Variants in NUP50 observed in about 807,000 individuals in gnomAD.
NUP50 encodes nuclear pore complex protein Nup50.
A neutral mutation model predicts 36.8 loss-of-function variants in NUP50; 14 were observed. That is an observed-to-expected ratio of 0.38 (90% CI 0.25 to 0.59). NUP50 has a LOEUF of 0.59. Among genes scored for constraint, NUP50 ranks in the 20% least tolerant of loss-of-function variants. NUP50 has a pLI of 0.63. For synonymous variants in NUP50, 195 were observed against 210.8 expected (o/e 0.93, Z 0.65); for missense variants, 455 against 564.6 (o/e 0.81, Z 1.97).
rs1205752892 is a variant in NUP50, at chr22:45,181,469, C to T, written c.1085+102C>T. 23 of 620,780 alleles carry T rather than the reference C, an allele frequency of 3.7e-5. No individual in the cohort carries two copies. In the Admixed American group the frequency reaches 6.8e-4, roughly 18 times the overall value. 38.5% of individuals were successfully genotyped at this position (620,780 alleles called of 1,614,324 possible). On this transcript the variant is annotated intron_variant, in intron 6 of 7. Coordinates refer to ENST00000347635, the MANE Select transcript of NUP50 (RefSeq NM_007172.4). Reference sequence around the variant, plus strand: ...CGGCACTTGACTGAGCTTCCAGTCTCGGGGTCAAGCTTTGCCTGCTCTCAA... The same window carrying T: ...CGGCACTTGACTGAGCTTCCAGTCTTGGGGTCAAGCTTTGCCTGCTCTCAA...
In NUP50 at chr22:45,183,877, GAA is replaced by G. The variant is rs200393108; in HGVS notation, c.1204+360_1204+361del. The G allele has an allele frequency of 3.5e-3, 825 of 238,992 alleles. 10 individuals are homozygous for G. The highest frequency in any genetic ancestry group is 0.018 in the African/African-American group (766 of 43,696). 14.8% of individuals were successfully genotyped at this position (238,992 alleles called of 1,614,324 possible). A position where few individuals can be genotyped will look rare whatever the true frequency, so the allele number is the denominator to read the frequency against. ...TGCTGTCCATCCTCAGTTTTAACCTGAAAAGAGTCCACTGCAAGGATCCTAGT... is the reference window on the plus strand; with the variant it reads ...TGCTGTCCATCCTCAGTTTTAACCTGAAGAGTCCACTGCAAGGATCCTAGT... On this transcript the variant is annotated intron_variant, in intron 7 of 7. Coordinates refer to ENST00000347635, the MANE Select transcript of NUP50 (RefSeq NM_007172.4).
Position 45,184,872 on chromosome 22 carries a change from C to G in NUP50, c.*217C>G. 1.7e-6 allele frequency: 1 copy of G among 576,698 alleles called. No individual in the cohort carries two copies. Among genetic ancestry groups the G allele is most frequent in the Non-Finnish European group, 3.1e-6 (1 of 319,632 alleles). 35.7% of individuals were successfully genotyped at this position (576,698 alleles called of 1,614,324 possible). A position where few individuals can be genotyped will look rare whatever the true frequency, so the allele number is the denominator to read the frequency against. On this transcript the variant is annotated 3_prime_UTR_variant, in exon 8 of 8. Coordinates refer to ENST00000347635, the MANE Select transcript of NUP50 (RefSeq NM_007172.4). ...TAAGAACTGCCTAAAGTGTAAAATA[C>G]ATTTGAATGCAATTTTTGGAAGATT...
chr22:45,168,519 C>T (rs903692922), intron 2 of NUP50, among the ~76,000 whole-genome samples: 2 of 152,190 alleles, frequency 1.3e-5, no homozygotes, highest in South Asian at 2.1e-4. Flanking sequence ...AGTAGAAGCA[C>T]TTTTCCTCCT....
rs1016339798 is a variant in NUP50, at chr22:45,183,815, G to A, written c.1204+295G>A. The stretch of plus-strand genomic sequence containing the variant: ...ACCCAAGGGAAATTAACCTTTTAAA[G>A]GAATCCTTTTTATATAGCAAGTAAT... On this transcript the variant is annotated intron_variant, in intron 7 of 7. Transcript: ENST00000347635. The A allele has an allele frequency of 1.6e-5, 5 of 306,370 alleles. No individual in the cohort carries two copies. The East Asian group carries it at 3.5e-4, about 22-fold the overall frequency. 19.0% of individuals were successfully genotyped at this position (306,370 alleles called of 1,614,324 possible).
At chr22:45,177,325 T>C (rs1164438585) in intron 4 of NUP50, among the ~76,000 whole-genome samples, 1 of 152,086 alleles carries the variant, frequency 6.6e-6, no homozygotes, top group African/African-American at 2.4e-5. Flanking sequence ...GGATTATAGG[T>C]ACACACCACC....
In NUP50 at chr22:45,185,582, C is replaced by A. The variant is rs139118087; in HGVS notation, c.*927C>A. 6.6e-6 allele frequency: 1 copy of A among 152,172 alleles called. No individual in the cohort carries two copies. The highest frequency in any genetic ancestry group is 1.9e-4 in the East Asian group (1 of 5,180). The allele number at this position is 152,172 out of a possible 1,614,324, so 9.4% of individuals were successfully genotyped here. A position where few individuals can be genotyped will look rare whatever the true frequency, so the allele number is the denominator to read the frequency against. ...TGCCTGGGAGCTTTGACACACGAGC[C>A]GTGTGAATTCACTAGGAAACATGTA... On this transcript the variant is annotated 3_prime_UTR_variant, in exon 8 of 8. Transcript: ENST00000347635.
chr22:45,182,625 T>TTTG lies in NUP50; in HGVS notation c.1086-775_1086-774insGTT, dbSNP rs2074392498. On this transcript the variant is annotated intron_variant, in intron 6 of 7. Coordinates refer to ENST00000347635, the MANE Select transcript of NUP50 (RefSeq NM_007172.4). ...AAACTGAAAGAGCCTTGAGGTTTGT[T>TTTG]TTTTTTTTTTTTTTTTTGAGACGGA... Among the ~76,000 whole-genome samples, 5 of 87,722 alleles carry TTTG rather than the reference T, an allele frequency of 5.7e-5. No homozygotes were observed. In the South Asian group the frequency reaches 1.9e-3, roughly 33 times the overall value. 57.5% of individuals were successfully genotyped at this position (87,722 alleles called of 152,430 possible). A position where few individuals can be genotyped will look rare whatever the true frequency, so the allele number is the denominator to read the frequency against.
chr22:45,167,178 G>A (rs770084189), intron 1 of NUP50, among the ~76,000 whole-genome samples: 1 of 152,152 alleles, frequency 6.6e-6, no homozygotes, highest in African/African-American at 2.4e-5. Flanking sequence ...AGAGTATCAC[G>A]AAGGAGTTCA....
intron 3 of NUP50, 152 bp downstream of exon 3, chr22:45,171,835 A>C: frequency 9.6e-6 from 6 of 624,648 alleles, no homozygotes; most frequent in Non-Finnish European, 8.3e-6. Context: ...AAAAATAAGA[A>C]ACGTCAGGTC....
chr22:45,184,067 G>A (rs1339144333), intron 7 of NUP50: 3 of 238,210 alleles, frequency 1.3e-5, no homozygotes, highest in Non-Finnish European at 2.5e-5. Flanking sequence ...AGGGAGCTGT[G>A]CCGGCCTGTG....
At chr22:45,179,632 C>G (rs898132796) in intron 5 of NUP50, among the ~76,000 whole-genome samples, 1 of 152,192 alleles carries the variant, frequency 6.6e-6, no homozygotes, top group African/African-American at 2.4e-5. Flanking sequence ...CACCTGTAAT[C>G]CCAGCACTTC....
chr22:45,175,818 A>T (rs1468442856), intron 3 of NUP50, 76 bp from the exon 4 acceptor site: 2 of 1,459,292 alleles, frequency 1.4e-6, no homozygotes, highest in East Asian at 4.6e-5. Flanking sequence ...TTTAGCCAAG[A>T]TGCTGTTGTC....
rs765727690 is a variant in NUP50, at chr22:45,175,895, C to G, written c.155C>G (p.Ser52Cys). 34 of 1,613,994 alleles carry G rather than the reference C, an allele frequency of 2.1e-5. No individual in the cohort carries two copies. In the South Asian group the frequency reaches 3.5e-4, roughly 17 times the overall value. Reference protein sequence around the residue: ...KAKRRNVGFESDTGGAFKGFK... With the variant: ...KAKRRNVGFECDTGGAFKGFK... ...GTGTGCTCCTCCTTCATACTTCAGT[C>G]TGACACTGGAGGAGCCTTTAAAGGT... The change falls in exon 4 of 8, where the codon TCT becomes TGT. Residue 52 changes from serine (S) to cysteine (C), a missense_variant and splice_region_variant. This residue lies in a region of NUP50 where 166 missense variants were observed against 202.8 expected (regional missense o/e 0.82). Coordinates refer to ENST00000347635, the MANE Select transcript of NUP50 (RefSeq NM_007172.4).
intron 1 of NUP50, among the ~76,000 whole-genome samples, chr22:45,166,854 C>T (rs132858): frequency 0.2 from 30,668 of 151,500 alleles, 3,659 homozygotes; most frequent in East Asian, 0.57. Context: ...ATTTCTCATC[C>T]TTTATATTTT....
At chr22:45,171,832 A>G in intron 3 of NUP50, 149 bp downstream of exon 3, 1 of 633,334 alleles carries the variant, frequency 1.6e-6, no homozygotes, top group South Asian at 2.0e-5. Context: ...GAAAAAAATA[A>G]GAAACGTCAG....
chr22:45,169,380 A>C (rs2074148162), intron 2 of NUP50, among the ~76,000 whole-genome samples: 1 of 152,168 alleles, frequency 6.6e-6, no homozygotes, highest in South Asian at 2.1e-4. Flanking sequence ...AAAAACAAAG[A>C]ATAAAACACA....
At chr22:45,183,682 T>C (rs1956296936) in intron 7 of NUP50, 162 bp downstream of exon 7, 2 of 586,382 alleles carry the variant, frequency 3.4e-6, no homozygotes, top group Admixed American at 5.9e-5. Flanking sequence ...AGGATAATAG[T>C]GTGTAAGGAA....
At chr22:45,170,898 T>G (rs533834481) in intron 2 of NUP50, 1 of 951,728 alleles carries the variant, frequency 1.1e-6, no homozygotes, top group African/African-American at 1.7e-5. Flanking sequence ...GTCCCCTCTA[T>G]GAGTGTAGGA....
In NUP50 at chr22:45,185,657, G is replaced by T. The variant is rs192395918; in HGVS notation, c.*1002G>T. The T allele has an allele frequency of 6.6e-6, 1 of 152,234 alleles. No homozygotes were observed. Among genetic ancestry groups the T allele is most frequent in the East Asian group, 1.9e-4 (1 of 5,186 alleles). 9.4% of individuals were successfully genotyped at this position (152,234 alleles called of 1,614,324 possible). On this transcript the variant is annotated 3_prime_UTR_variant, in exon 8 of 8. Transcript: ENST00000347635. ...TGTGTAAACTTTGCCTTTAACTTTAGACCGCAGTATATTATAATACATTTG... is the reference window on the plus strand; with the variant it reads ...TGTGTAAACTTTGCCTTTAACTTTATACCGCAGTATATTATAATACATTTG...
Sources: allele counts gnomAD v4.1 joint callset (sites outside exome capture counted in the v4.1 genomes callset), GRCh38; gene constraint gnomAD v4.1.1; regional missense constraint gnomAD v4.1.1; transcripts MANE v1.5; gene names NCBI Gene and HGNC (gene_info 2026-07-23, HGNC 2026-07-21).